The following GTF2H1 variants were observed in gnomAD, a reference collection of about 807,000 sequenced individuals.
GTF2H1 encodes BTF2 p62.
A neutral mutation model predicts 71.2 loss-of-function variants in GTF2H1; 16 were observed. The ratio of observed to expected loss-of-function variants is 0.22; its 90% CI spans 0.15 to 0.34. GTF2H1 has a LOEUF of 0.34. Among genes scored for constraint, GTF2H1 ranks in the 10% least tolerant of loss-of-function variants. The pLI is 1.00. For synonymous variants in GTF2H1, 215 were observed against 219.0 expected (o/e 0.98, Z 0.16); for missense variants, 498 against 648.2 (o/e 0.77, Z 2.52).
chr11:18,344,098 T>A (rs1299408558), intron 7 of GTF2H1, among the ~76,000 whole-genome samples: 2 of 152,146 alleles, frequency 1.3e-5, no homozygotes, highest in East Asian at 3.9e-4. Context: ...GTGCTGAGAT[T>A]ACAGGCGTGA....
chr11:18,346,733 C>CTTTTTTTTT (rs35494754), intron 7 of GTF2H1, among the ~76,000 whole-genome samples: 6 of 85,226 alleles, frequency 7.0e-5, no homozygotes, highest in East Asian at 4.1e-4. Flanking sequence ...TTTTTATTTA[C>CTTTTTTTTT]TTTTTTTTTT....
rs143077355 is a variant in GTF2H1 at position 18,349,388 on chromosome 11, T to C, written c.1053+1469T>C. On this transcript the variant is annotated intron_variant, in intron 9 of 14. Coordinates refer to ENST00000265963, the MANE Select transcript of GTF2H1 (RefSeq NM_005316.4). ...TTGATTCTTGGTGGTGAACAAGTTATCAGAAATTTCTTGGCCAGGAGCCGT... is the reference window on the plus strand; with the variant it reads ...TTGATTCTTGGTGGTGAACAAGTTACCAGAAATTTCTTGGCCAGGAGCCGT... Among the ~76,000 whole-genome samples the C allele has an allele frequency of 1.8e-4, 27 of 152,344 alleles. No individual in the cohort carries two copies. In the East Asian group the frequency reaches 5.0e-3, roughly 28 times the overall value.
At chr11:18,343,316 G>A (rs575543022) in intron 7 of GTF2H1, among the ~76,000 whole-genome samples, 14 of 152,320 alleles carry the variant, frequency 9.2e-5, no homozygotes, top group South Asian at 8.3e-4. Context: ...AGCCTAGTGC[G>A]TAATAAGTAG....
intron 1 of GTF2H1, among the ~76,000 whole-genome samples, chr11:18,328,611 G>A (rs968870435): frequency 4.6e-5 from 7 of 151,550 alleles, no homozygotes; most frequent in African/African-American, 1.2e-4. Context: ...GATCACTTGC[G>A]TCCAGGAGTT....
intron 14 of GTF2H1, among the ~76,000 whole-genome samples, chr11:18,364,490 A>G (rs565188334): frequency 6.6e-6 from 1 of 152,326 alleles, no homozygotes; most frequent in South Asian, 2.1e-4. Flanking sequence ...CTGAGGCAGG[A>G]GGATCACTTG....
intron 4 of GTF2H1, among the ~76,000 whole-genome samples, chr11:18,338,865 T>C (rs903858235): frequency 3.3e-5 from 5 of 152,244 alleles, no homozygotes; most frequent in Non-Finnish European, 7.3e-5. Context: ...TCAAATGGAA[T>C]TTGAAAATGA....
chr11:18,360,791 G>T, intron 14 of GTF2H1, 84 bp downstream of exon 14: 2 of 696,204 alleles, frequency 2.9e-6, no homozygotes, highest in South Asian at 1.7e-5. Flanking sequence ...ATGTAAATGA[G>T]TAGATACTTA....
chr11:18,338,442 G>C (rs574644884), intron 4 of GTF2H1, among the ~76,000 whole-genome samples, 168 bp downstream of exon 4: 1 of 152,068 alleles, frequency 6.6e-6, no homozygotes, highest in South Asian at 2.1e-4. Context: ...TATTATGTTT[G>C]TTTGTTTGTT....
In GTF2H1 at chr11:18,339,583, C is replaced by T; in HGVS notation, c.533C>T (p.Thr178Ile). ...TTTTAGGCTGATGTCCGGCCCCAAA[C>T]TGATGGCTGTAACGGTCTAAGATAT... is the stretch of plus-strand genomic sequence containing the variant. ...AAFLADVRPQ[T>I]DGCNGLRYNL... is the part of the protein sequence containing the mutation. Residue 178 changes from threonine (T) to isoleucine (I), a missense_variant, in exon 5 of 15, where the codon ACT becomes ATT. Coordinates refer to ENST00000265963, the MANE Select transcript of GTF2H1 (RefSeq NM_005316.4). The T allele has an allele frequency of 6.2e-7, 1 of 1,613,234 alleles. No individual in the cohort carries two copies. Among genetic ancestry groups the T allele is most frequent in the Non-Finnish European group, 8.5e-7 (1 of 1,179,210 alleles).
At chr11:18,353,244 T>C (rs914910133) in intron 11 of GTF2H1, among the ~76,000 whole-genome samples, 3 of 152,126 alleles carry the variant, frequency 2.0e-5, no homozygotes, top group Non-Finnish European at 4.4e-5. Flanking sequence ...AGATAAATAT[T>C]TAAATATTTA....
At chr11:18,332,926 AAG>A in intron 1 of GTF2H1, 132 bp from the exon 2 acceptor site, 1 of 556,496 alleles carries the variant, frequency 1.8e-6, no homozygotes, top group Non-Finnish European at 3.0e-6. Flanking sequence ...TGAATGAGAA[AAG>A]AGACTTTCTT....
At chr11:18,347,532 TATA>T (rs1189530506) in intron 7 of GTF2H1, 53 bp from the exon 8 acceptor site, 8 of 1,350,154 alleles carry the variant, frequency 5.9e-6, no homozygotes, top group East Asian at 2.5e-5. Context: ...AAGCGTGTCT[TATA>T]ATAAGAAAAG....
Position 18,360,643 on chromosome 11 carries a change from G to T in GTF2H1, c.1496G>T (p.Arg499Leu). The stretch of plus-strand genomic sequence containing the variant: ...GTGAAAATGAAAAGTAATTTGGAAC[G>T]ATTCCAAGTTACGAAGCTCTGTCCA... Reference protein sequence around the residue: ...KVVKMKSNLERFQVTKLCPFQ... With the variant: ...KVVKMKSNLELFQVTKLCPFQ... The change falls in exon 14 of 15, where the codon CGA becomes CTA. Residue 499 changes from arginine (R) to leucine (L), a missense_variant. Arg to Leu is a moderately radical substitution (Grantham distance 102). This residue lies in a region of GTF2H1 where 266 missense variants were observed against 301.6 expected (regional missense o/e 0.88). Coordinates refer to ENST00000265963, the MANE Select transcript of GTF2H1 (RefSeq NM_005316.4). The T allele has an allele frequency of 6.4e-7, 1 of 1,553,044 alleles. No individual in the cohort carries two copies. Among genetic ancestry groups the T allele is most frequent in the Non-Finnish European group, 8.7e-7 (1 of 1,151,598 alleles).
intron 11 of GTF2H1, among the ~76,000 whole-genome samples, chr11:18,357,468 G>T (rs1299610456): frequency 6.6e-6 from 1 of 152,124 alleles, no homozygotes; most frequent in Non-Finnish European, 1.5e-5. Context: ...GTCTGTCCCA[G>T]CTACTCAGGA....
At chr11:18,337,613 G>A (rs1385953294) in intron 3 of GTF2H1, among the ~76,000 whole-genome samples, 4 of 151,866 alleles carry the variant, frequency 2.6e-5, no homozygotes, top group Admixed American at 2.6e-4. Context: ...AAAAATAACA[G>A]TACGATAATT....
Position 18,364,783 on chromosome 11 carries a change from T to A in GTF2H1, c.1561-1000T>A, listed in dbSNP as rs533496182. On this transcript the variant is annotated intron_variant, in intron 14 of 14. Transcript: ENST00000265963. Reference sequence around the variant, plus strand: ...GTATTGAACTCCTGAAATGCTGGAGTTGGAAAAACCCTAAAAATAGCAAAC... The same window carrying A: ...GTATTGAACTCCTGAAATGCTGGAGATGGAAAAACCCTAAAAATAGCAAAC... Among the ~76,000 whole-genome samples, 44 of 152,084 alleles carry A rather than the reference T, an allele frequency of 2.9e-4. No homozygotes were observed. In the East Asian group the frequency reaches 3.5e-3, roughly 12 times the overall value.
At chr11:18,328,371 G>T (rs1443991697) in intron 1 of GTF2H1, among the ~76,000 whole-genome samples, 1 of 151,504 alleles carries the variant, frequency 6.6e-6, no homozygotes, top group African/African-American at 2.4e-5. Flanking sequence ...AATTAGCCGG[G>T]CGTGGTGGCA....
chr11:18,326,577 G>A (rs1426943548), intron 1 of GTF2H1, among the ~76,000 whole-genome samples: 1 of 151,266 alleles, frequency 6.6e-6, no homozygotes. Flanking sequence ...GTCTCATGAT[G>A]TATTCTCCAC....
chr11:18,333,328 A>G (rs768394368), intron 2 of GTF2H1, 100 bp downstream of exon 2: 1 of 892,514 alleles, frequency 1.1e-6, no homozygotes, highest in East Asian at 2.8e-5. Context: ...CAAAAAATCA[A>G]CTATGTAGAA....
Sources: gnomAD v4.1 joint callset for allele counts (sites outside exome capture counted in the v4.1 genomes callset) on GRCh38, gnomAD v4.1.1 for gene constraint, gnomAD v4.1.1 regional missense constraint, MANE v1.5 for transcripts, NCBI Gene and HGNC (gene_info 2026-07-23, HGNC 2026-07-21) for gene names.